MTPN: variants seen among roughly 807,000 people sequenced by gnomAD.
MTPN encodes granule cell differentiation protein.
MTPN carries 2 observed loss-of-function variants against 13.5 expected under a neutral mutation model. The ratio of observed to expected loss-of-function variants is 0.15; its 90% CI spans 0.06 to 0.47. The LOEUF (loss-of-function observed/expected upper bound fraction) is 0.47, where lower values mean the gene tolerates loss of function less well. Ranked by LOEUF, MTPN falls within the 20% of genes least tolerant of loss-of-function variation. The pLI, the probability that MTPN is intolerant of heterozygous loss-of-function variation, is 0.97. For missense variants in MTPN, 79 were observed against 137.9 expected, an observed-to-expected ratio of 0.57 and a Z score of 2.14; for synonymous variants, 46 against 51.7, an observed-to-expected ratio of 0.89 and a Z score of 0.48.
chr7:135,956,683 T>C (rs748285677), intron 1 of MTPN, among the ~76,000 whole-genome samples: 1 of 149,702 alleles, frequency 6.7e-6, no homozygotes, highest in African/African-American at 2.4e-5. Context: ...GTTCTGTATA[T>C]CGTCCCTTCT....
Position 135,927,200 on chromosome 7 carries a change from A to T in MTPN, c.*2726T>A. The T allele has an allele frequency of 9.2e-7, 1 of 1,087,268 alleles. No individual in the cohort carries two copies. Among genetic ancestry groups the T allele is most frequent in the Non-Finnish European group, 1.3e-6 (1 of 789,128 alleles). 67.4% of individuals were successfully genotyped at this position (1,087,268 alleles called of 1,614,324 possible). A position where few individuals can be genotyped will look rare whatever the true frequency, so the allele number is the denominator to read the frequency against. Reference sequence around the variant, plus strand: ...CAGTACTTGGGAAAAGATATCAATGAATAAAAGGCCTACTTGTTTGCAGCT... The same window carrying T: ...CAGTACTTGGGAAAAGATATCAATGTATAAAAGGCCTACTTGTTTGCAGCT... On this transcript the variant is annotated 3_prime_UTR_variant, in exon 4 of 4. Coordinates refer to ENST00000393085, the MANE Select transcript of MTPN (RefSeq NM_145808.4).
chr7:135,942,252 G>C (rs1237284846), intron 3 of MTPN, among the ~76,000 whole-genome samples: 2 of 152,104 alleles, frequency 1.3e-5, no homozygotes, highest in Non-Finnish European at 2.9e-5. Flanking sequence ...GTCCACACTT[G>C]AAAGAAAGTT....
Position 135,951,172 on chromosome 7 carries a change from A to G in MTPN, c.186+345T>C, listed in dbSNP as rs1184946007. ...TGACCTTTGTCCAATAATCCATTTTAGATTTAGCCTATGACTGCAGAGTCC... is the reference window on the plus strand; with the variant it reads ...TGACCTTTGTCCAATAATCCATTTTGGATTTAGCCTATGACTGCAGAGTCC... On this transcript the variant is annotated intron_variant, in intron 2 of 3. Coordinates refer to ENST00000393085, the MANE Select transcript of MTPN (RefSeq NM_145808.4). Among the ~76,000 whole-genome samples the G allele has an allele frequency of 4.6e-5, 7 of 152,204 alleles. 1 individual carries two copies. Among genetic ancestry groups the G allele is most frequent in the Admixed American group, 2.6e-4 (4 of 15,280 alleles).
chr7:135,941,445 T>C (rs957264454), intron 3 of MTPN, among the ~76,000 whole-genome samples: 1 of 149,016 alleles, frequency 6.7e-6, no homozygotes. Flanking sequence ...GTGGGTTAAG[T>C]GTTGATGCTG....
At position 135,929,913 on chromosome 7, in the gene MTPN, GTCCA is replaced by G; in HGVS notation, c.*9_*12del. ...GAGAGTCATTCTTCCGGAGTTATCA[GTCCA>G]TCCATCCATCACTGGAGAAGAGCTT... On this transcript the variant is annotated 3_prime_UTR_variant, in exon 4 of 4. Transcript: ENST00000393085. 1.9e-6 allele frequency: 3 copies of G among 1,613,164 alleles called. No individual in the cohort carries two copies. Among genetic ancestry groups the G allele is most frequent in the Non-Finnish European group, 1.7e-6 (2 of 1,179,140 alleles).
At chr7:135,958,129 A>G (rs1432235871) in intron 1 of MTPN, among the ~76,000 whole-genome samples, 1 of 152,220 alleles carries the variant, frequency 6.6e-6, no homozygotes, top group Non-Finnish European at 1.5e-5. Context: ...TTCTTGATAT[A>G]TAATTCCCTT....
At position 135,933,973 on chromosome 7, in the gene MTPN, A is replaced by T. The variant is rs142703116; in HGVS notation, c.271-3961T>A. 2.1e-3 allele frequency among the ~76,000 whole-genome samples: 327 copies of T among 152,238 alleles called. 1 individual carries two copies. The highest frequency in any genetic ancestry group is 7.4e-3 in the African/African-American group (306 of 41,538). The stretch of plus-strand genomic sequence containing the variant: ...CCCCTTCACACTCTCTCCTGCCACC[A>T]TGAGAAGATATGACTGCTTCCCCTT... On this transcript the variant is annotated intron_variant, in intron 3 of 3. Transcript: ENST00000393085.
At chr7:135,943,622 T>A (rs73162998) in intron 3 of MTPN, among the ~76,000 whole-genome samples, 8 of 152,124 alleles carry the variant, frequency 5.3e-5, no homozygotes, top group African/African-American at 9.7e-5. Context: ...CAGTTGAGTA[T>A]ACCTTTGTTC....
chr7:135,927,400 T>TAC lies in MTPN; in HGVS notation c.*2525_*2526insGT. The TAC allele has an allele frequency of 6.5e-7, 1 of 1,549,750 alleles. No homozygotes were observed. The highest frequency in any genetic ancestry group is 2.4e-5 in the East Asian group (1 of 40,878). Reference sequence around the variant, plus strand: ...TTGTTAGTACACTACTATAAACAGGTAAACTACCTGTTTGTACTTGATATA... The same window carrying TAC: ...TTGTTAGTACACTACTATAAACAGGTACAAACTACCTGTTTGTACTTGATATA... On this transcript the variant is annotated 3_prime_UTR_variant, in exon 4 of 4. Coordinates refer to ENST00000393085, the MANE Select transcript of MTPN (RefSeq NM_145808.4).
At chr7:135,962,316 T>C (rs916110210) in intron 1 of MTPN, among the ~76,000 whole-genome samples, 1 of 151,616 alleles carries the variant, frequency 6.6e-6, no homozygotes, top group Non-Finnish European at 1.5e-5. Flanking sequence ...AAAAAATGAA[T>C]GAATGAACAA....
chr7:135,951,146 T>C lies in MTPN; in HGVS notation c.186+371A>G, dbSNP rs551066568. Among the ~76,000 whole-genome samples the C allele has an allele frequency of 2.0e-5, 3 of 152,310 alleles. No homozygotes were observed. The South Asian group carries it at 6.2e-4, about 32-fold the overall frequency. ...CTGCGCTTATCTGACCACTTGCCCA[T>C]TGACCTTTGTCCAATAATCCATTTT... On this transcript the variant is annotated intron_variant, in intron 2 of 3. Transcript: ENST00000393085.
At chr7:135,963,480 C>G (rs1482082374) in intron 1 of MTPN, among the ~76,000 whole-genome samples, 1 of 151,904 alleles carries the variant, frequency 6.6e-6, no homozygotes, top group Non-Finnish European at 1.5e-5. Flanking sequence ...GCAAAGCAAA[C>G]AAGAAAGGTG....
rs1488652984 is a variant in MTPN, at chr7:135,972,217, ACGCGCACG to A, written c.72+4804_72+4811del. 4.3e-4 allele frequency among the ~76,000 whole-genome samples: 36 copies of A among 83,584 alleles called. No homozygotes were observed. In the South Asian group the frequency reaches 0.016, roughly 37 times the overall value. The allele number at this position is 83,584 out of a possible 152,430, so 54.8% of individuals were successfully genotyped here. A position where few individuals can be genotyped will look rare whatever the true frequency, so the allele number is the denominator to read the frequency against. ...TATGGTTATAAATACACACGCGCAC[ACGCGCACG>A]CGCGCGCACACACACACACACACAC... On this transcript the variant is annotated intron_variant, in intron 1 of 3. Transcript: ENST00000393085.
At chr7:135,952,000 T>C (rs1316559596) in intron 1 of MTPN, among the ~76,000 whole-genome samples, 1 of 152,222 alleles carries the variant, frequency 6.6e-6, no homozygotes, top group Non-Finnish European at 1.5e-5. Context: ...GTATTTTAAT[T>C]CTTCAAAGAA....
intron 3 of MTPN, among the ~76,000 whole-genome samples, chr7:135,935,049 T>C (rs1227776461): frequency 1.3e-5 from 2 of 152,144 alleles, no homozygotes; most frequent in Admixed American, 6.5e-5. Context: ...CCTATAAACC[T>C]TGCTCCTTTT....
chr7:135,949,651 G>A (rs1375070145), intron 3 of MTPN, among the ~76,000 whole-genome samples: 2 of 152,148 alleles, frequency 1.3e-5, no homozygotes, highest in African/African-American at 4.8e-5. Flanking sequence ...TGTCAATAAA[G>A]TGTTAAGAGA....
intron 1 of MTPN, 79 bp downstream of exon 1, chr7:135,976,950 G>A: frequency 2.0e-6 from 1 of 510,302 alleles, no homozygotes; most frequent in East Asian, 6.0e-5. Context: ...CATCCCCGCA[G>A]TCCAGCTCCC....
At position 135,929,841 on chromosome 7, in the gene MTPN, G is replaced by T; in HGVS notation, c.*85C>A. The T allele has an allele frequency of 7.7e-7, 1 of 1,292,366 alleles. No homozygotes were observed. Among genetic ancestry groups the T allele is most frequent in the South Asian group, 1.2e-5 (1 of 84,332 alleles). The allele number at this position is 1,292,366 out of a possible 1,614,324, so 80.1% of individuals were successfully genotyped here. ...CTTAAAGTATTTAGCTGAAGAAGCTGGCAGATAGAGAGTGACAGACAGACA... is the reference window on the plus strand; with the variant it reads ...CTTAAAGTATTTAGCTGAAGAAGCTTGCAGATAGAGAGTGACAGACAGACA... On this transcript the variant is annotated 3_prime_UTR_variant, in exon 4 of 4. Transcript: ENST00000393085.
chr7:135,931,494 T>A (rs761321410), intron 3 of MTPN, among the ~76,000 whole-genome samples: 2 of 152,036 alleles, frequency 1.3e-5, no homozygotes, highest in Non-Finnish European at 2.9e-5. Flanking sequence ...ATTATAAAAG[T>A]CTCTATTTCC....
Sources: gnomAD v4.1 joint callset for allele counts (sites outside exome capture counted in the v4.1 genomes callset) on GRCh38, gnomAD v4.1.1 for gene constraint, MANE v1.5 for transcripts, NCBI Gene and HGNC (gene_info 2026-07-23, HGNC 2026-07-21) for gene names.